The following MACROD2 variants were observed in gnomAD, a reference collection of about 807,000 sequenced individuals.
The protein encoded by MACROD2 is ADP-ribose glycohydrolase MACROD2.
In MACROD2, 36 loss-of-function variants were observed where a neutral mutation model predicts 70.4. The ratio of observed to expected loss-of-function variants is 0.51; its 90% CI spans 0.39 to 0.68. The LOEUF (loss-of-function observed/expected upper bound fraction) is 0.68, where lower values mean the gene tolerates loss of function less well. Among genes scored for constraint, MACROD2 ranks in the 30% least tolerant of loss-of-function variants. The pLI is 0.00. For synonymous variants in MACROD2, 172 were observed against 178.8 expected (o/e 0.96, Z 0.30); for missense variants, 496 against 538.4 (o/e 0.92, Z 0.78).
intron 7 of MACROD2, among the ~76,000 whole-genome samples, chr20:15,457,915 A>G (rs2046750018): frequency 6.6e-6 from 1 of 151,694 alleles, no homozygotes; most frequent in Admixed American, 6.6e-5. Flanking sequence ...AACATAATAT[A>G]ACCTAACAGG....
At chr20:16,017,434 T>G (rs950051301) in intron 15 of MACROD2, among the ~76,000 whole-genome samples, 17 of 152,232 alleles carry the variant, frequency 1.1e-4, no homozygotes, top group Non-Finnish European at 2.9e-5. Flanking sequence ...TTTGGTGGTG[T>G]TGTGAAGGAT....
chr20:14,842,061 C>G (rs2073093235), intron 5 of MACROD2, among the ~76,000 whole-genome samples: 1 of 151,982 alleles, frequency 6.6e-6, no homozygotes, highest in Admixed American at 6.6e-5. Context: ...AGTCTAGAGG[C>G]TGGGAAGTCC....
rs531516415 is a variant in MACROD2 at position 14,054,863 on chromosome 20, T to TA, written c.164-30757dup. On this transcript the variant is annotated intron_variant, in intron 2 of 17. Transcript: ENST00000684519. ...GGCAGTGATTTTATTTTAGAAGAAT[T>TA]ATTTATCTGTCTTTGCCTTTCATTT... Among the ~76,000 whole-genome samples, 259 of 152,256 alleles carry TA rather than the reference T, an allele frequency of 1.7e-3. 1 individual carries two copies. The highest frequency in any genetic ancestry group is 6.2e-3 in the African/African-American group (256 of 41,554).
intron 4 of MACROD2, among the ~76,000 whole-genome samples, chr20:14,651,956 T>C (rs1273647664): frequency 2.0e-5 from 3 of 152,122 alleles, no homozygotes; most frequent in Non-Finnish European, 4.4e-5. Context: ...TTTCATATTA[T>C]TACAAATCTT....
chr20:14,813,945 A>G (rs890976210), intron 5 of MACROD2, among the ~76,000 whole-genome samples: 3 of 151,970 alleles, frequency 2.0e-5, no homozygotes, highest in Non-Finnish European at 4.4e-5. Context: ...GGGGTTTCAT[A>G]TCCACTGACA....
In MACROD2 at chr20:14,931,934, C is replaced by T. The variant is rs546447271; in HGVS notation, c.418+246975C>T. Among the ~76,000 whole-genome samples the T allele has an allele frequency of 1.5e-4, 22 of 150,044 alleles. No individual in the cohort carries two copies. The East Asian group carries it at 2.4e-3, about 16-fold the overall frequency. On this transcript the variant is annotated intron_variant, in intron 5 of 17. Transcript: ENST00000684519. Reference sequence around the variant, plus strand: ...GGAGGATCACTTCAGCCCAGGAGTTCGAGACTGCAGTGAGCTATGAATGTA... The same window carrying T: ...GGAGGATCACTTCAGCCCAGGAGTTTGAGACTGCAGTGAGCTATGAATGTA...
At chr20:15,090,890 A>G (rs887154320) in intron 5 of MACROD2, among the ~76,000 whole-genome samples, 2 of 152,080 alleles carry the variant, frequency 1.3e-5, no homozygotes, top group African/African-American at 4.8e-5. Flanking sequence ...TCATTGTCAT[A>G]TAAGTGGCTG....
chr20:14,574,989 G>A (rs1220976982), intron 4 of MACROD2, among the ~76,000 whole-genome samples: 2 of 134,456 alleles, frequency 1.5e-5, no homozygotes, highest in African/African-American at 5.8e-5. Context: ...CCGCAGTCCG[G>A]CCTGGGCGAC....
At chr20:14,460,393 T>C (rs2084354788) in intron 3 of MACROD2, among the ~76,000 whole-genome samples, 1 of 152,100 alleles carries the variant, frequency 6.6e-6, no homozygotes, top group African/African-American at 2.4e-5. Context: ...ATCTGTTGTT[T>C]CCTGACTTTT....
intron 3 of MACROD2, among the ~76,000 whole-genome samples, chr20:14,419,246 G>A (rs778928733): frequency 6.6e-6 from 1 of 152,050 alleles, no homozygotes; most frequent in Non-Finnish European, 1.5e-5. Flanking sequence ...TAGAGAAGGG[G>A]TTTCTCCGTG....
intron 8 of MACROD2, among the ~76,000 whole-genome samples, chr20:15,633,475 T>G (rs2049320730): frequency 6.6e-6 from 1 of 152,204 alleles, no homozygotes; most frequent in African/African-American, 2.4e-5. Context: ...GAAAATGCCA[T>G]TCAGGATAAG....
At chr20:14,125,345 A>G (rs925354093) in intron 3 of MACROD2, among the ~76,000 whole-genome samples, 1 of 152,206 alleles carries the variant, frequency 6.6e-6, no homozygotes, top group African/African-American at 2.4e-5. Context: ...AACTCACAGA[A>G]TTTAGAGTGA....
chr20:14,178,360 A>T (rs1050779872), intron 3 of MACROD2, among the ~76,000 whole-genome samples: 11 of 151,880 alleles, frequency 7.2e-5, no homozygotes, highest in Non-Finnish European at 1.2e-4. Flanking sequence ...AATAATTTTT[A>T]AAAATGAGGA....
chr20:15,423,707 T>C (rs560069074), intron 6 of MACROD2, among the ~76,000 whole-genome samples: 9 of 152,274 alleles, frequency 5.9e-5, no homozygotes, highest in Admixed American at 2.6e-4. Flanking sequence ...CCTTATCCCC[T>C]AATTACCTCC....
intron 8 of MACROD2, among the ~76,000 whole-genome samples, chr20:15,723,994 G>A (rs1447515915): frequency 1.3e-5 from 2 of 152,118 alleles, no homozygotes; most frequent in Non-Finnish European, 2.9e-5. Flanking sequence ...GTGTGTAATG[G>A]TATTTCAGGA....
rs533390984 is a variant in MACROD2, at chr20:15,216,311, G to T, written c.419-13629G>T. Among the ~76,000 whole-genome samples the T allele has an allele frequency of 2.6e-3, 394 of 151,308 alleles. 1 individual carries two copies. The highest frequency in any genetic ancestry group is 8.9e-3 in the African/African-American group (367 of 41,264). On this transcript the variant is annotated intron_variant, in intron 5 of 17. Coordinates refer to ENST00000684519, the MANE Select transcript of MACROD2 (RefSeq NM_001351661.2). ...GTATCAAAATATTTTATGTACCCCA[G>T]AAATATATACACCTACTATGTACCC...
intron 8 of MACROD2, among the ~76,000 whole-genome samples, chr20:15,719,626 C>CT (rs2050757131): frequency 6.6e-6 from 1 of 152,024 alleles, no homozygotes; most frequent in Non-Finnish European, 1.5e-5. Flanking sequence ...GTCTTTCCAT[C>CT]TTTTTACTTT....
At chr20:15,009,559 A>G (rs545145458) in intron 5 of MACROD2, among the ~76,000 whole-genome samples, 23 of 152,284 alleles carry the variant, frequency 1.5e-4, no homozygotes, top group African/African-American at 5.1e-4. Context: ...AAATTTCTAT[A>G]AAGAGCATGT....
chr20:15,773,563 A>G (rs541291968), intron 8 of MACROD2, among the ~76,000 whole-genome samples: 11 of 152,266 alleles, frequency 7.2e-5, no homozygotes, highest in South Asian at 4.1e-4. Flanking sequence ...ACTCATCCTA[A>G]TAGCCCAAGC....
Sources: allele counts gnomAD v4.1 joint callset (sites outside exome capture counted in the v4.1 genomes callset), GRCh38; gene constraint gnomAD v4.1.1; transcripts MANE v1.5; gene names NCBI Gene and HGNC (gene_info 2026-07-23, HGNC 2026-07-21).